SLCO3A1: variants seen among roughly 807,000 people sequenced by gnomAD.
The protein encoded by SLCO3A1 is PGE1 transporter.
SLCO3A1 carries 27 observed loss-of-function variants against 63.1 expected under a neutral mutation model. The ratio of observed to expected loss-of-function variants is 0.43; its 90% confidence interval spans 0.32 to 0.59. SLCO3A1 has a LOEUF of 0.59. SLCO3A1 is among the 20% of genes least tolerant of loss of function. The pLI, the probability that SLCO3A1 is intolerant of heterozygous loss-of-function variation, is 0.09. For synonymous variants in SLCO3A1, 473 were observed against 409.9 expected (o/e 1.15, Z -1.86); for missense variants, 773 against 945.8 (o/e 0.82, Z 2.40).
intron 2 of SLCO3A1, among the ~76,000 whole-genome samples, chr15:91,940,400 A>G (rs751488945): frequency 3.3e-5 from 5 of 152,222 alleles, no homozygotes; most frequent in Non-Finnish European, 7.3e-5. Context: ...GAGGGGATCC[A>G]GACTCAGGGA....
chr15:92,119,859 C>G (rs1000482481), intron 4 of SLCO3A1, among the ~76,000 whole-genome samples: 4 of 152,030 alleles, frequency 2.6e-5, no homozygotes, highest in Non-Finnish European at 5.9e-5. Context: ...CTGGTGGTCT[C>G]CAAGTGAGAG....
chr15:92,163,032 A>G lies in SLCO3A1; in HGVS notation c.2030A>G (p.Asn677Ser), dbSNP rs1438557454. 1 of 1,601,198 alleles carries G rather than the reference A, an allele frequency of 6.2e-7. No individual in the cohort carries two copies. The highest frequency in any genetic ancestry group is 2.2e-5 in the East Asian group (1 of 44,748). ...TTTGCCTCTACTCTGACCCTAGACA[A>G]CCTGGGGAGGGACCCTGTGCCCGCA... ...EFFASTLTLD[N>S]LGRDPVPANQ... Residue 677 changes from asparagine (N) to serine (S), a missense_variant, in exon 10 of 10, where the codon AAC (asparagine) becomes AGC (serine). By Grantham distance (46) the Asn-to-Ser change is conservative. Transcript: ENST00000318445.
chr15:92,066,830 T>C (rs1471377588), intron 2 of SLCO3A1, among the ~76,000 whole-genome samples: 2 of 152,190 alleles, frequency 1.3e-5, no homozygotes, highest in South Asian at 2.1e-4. Flanking sequence ...TGAGGACTTG[T>C]TGTGGCCGTG....
chr15:92,115,973 G>A (rs2047790591), intron 4 of SLCO3A1, among the ~76,000 whole-genome samples: 1 of 152,050 alleles, frequency 6.6e-6, no homozygotes, highest in Admixed American at 6.6e-5. Flanking sequence ...GGAGTGGCCT[G>A]CATGCTTAAT....
chr15:91,853,906 A>G lies in SLCO3A1; in HGVS notation c.-3A>G. 1.5e-6 allele frequency: 2 copies of G among 1,372,420 alleles called. No homozygotes were observed. Among genetic ancestry groups the G allele is most frequent in the Non-Finnish European group, 1.9e-6 (2 of 1,052,578 alleles). 85.0% of individuals were successfully genotyped at this position (1,372,420 alleles called of 1,614,324 possible). A position where few individuals can be genotyped will look rare whatever the true frequency, so the allele number is the denominator to read the frequency against. On this transcript the variant is annotated 5_prime_UTR_variant, in exon 1 of 10. Coordinates refer to ENST00000318445, the MANE Select transcript of SLCO3A1 (RefSeq NM_013272.4). Reference sequence around the variant, plus strand: ...CGGCGGCGGCGGCGGCGGCGGGGGAAGGATGCAGGGGAAGAAGCCGGGCGG... The same window carrying G: ...CGGCGGCGGCGGCGGCGGCGGGGGAGGGATGCAGGGGAAGAAGCCGGGCGG...
intron 8 of SLCO3A1, among the ~76,000 whole-genome samples, chr15:92,147,774 AG>A (rs1468251687): frequency 6.6e-6 from 1 of 152,210 alleles, no homozygotes; most frequent in Non-Finnish European, 1.5e-5. Flanking sequence ...TCCTGGGGAT[AG>A]GTGAAGTGCC....
chr15:91,905,513 T>C (rs1315079779), intron 1 of SLCO3A1, among the ~76,000 whole-genome samples: 3 of 151,588 alleles, frequency 2.0e-5, no homozygotes, highest in African/African-American at 7.3e-5. Flanking sequence ...GATTGCTGTG[T>C]TGTTATTTTT....
chr15:92,158,559 C>T (rs566321873), intron 9 of SLCO3A1, among the ~76,000 whole-genome samples: 1 of 152,336 alleles, frequency 6.6e-6, no homozygotes, highest in African/African-American at 2.4e-5. Flanking sequence ...CTTAGCATGA[C>T]AGTTGCCAGT....
chr15:92,006,915 C>A (rs112581352), intron 2 of SLCO3A1, among the ~76,000 whole-genome samples: 34 of 152,272 alleles, frequency 2.2e-4, no homozygotes, highest in African/African-American at 8.2e-4. Context: ...TTTTAGAGAA[C>A]CAGAGTCCTT....
intron 2 of SLCO3A1, among the ~76,000 whole-genome samples, chr15:92,069,193 G>T (rs980023708): frequency 1.4e-5 from 2 of 147,850 alleles, no homozygotes; most frequent in African/African-American, 5.0e-5. Flanking sequence ...GTGCTACCAG[G>T]ATCTAACAGG....
chr15:91,907,519 CT>C (rs762360188), intron 1 of SLCO3A1, among the ~76,000 whole-genome samples: 1 of 150,604 alleles, frequency 6.6e-6, no homozygotes, highest in Non-Finnish European at 1.5e-5. Context: ...GGAGGCCTTT[CT>C]TTTTTTTCTA....
chr15:92,059,802 A>G (rs1191302719), intron 2 of SLCO3A1, among the ~76,000 whole-genome samples: 2 of 152,252 alleles, frequency 1.3e-5, no homozygotes, highest in Non-Finnish European at 2.9e-5. Flanking sequence ...TGATAAGTGC[A>G]TATCACTGTA....
intron 2 of SLCO3A1, among the ~76,000 whole-genome samples, chr15:92,016,928 A>C (rs1186404326): frequency 6.6e-6 from 1 of 152,150 alleles, no homozygotes; most frequent in Non-Finnish European, 1.5e-5. Context: ...CACATTTGAA[A>C]ATTTTCTCTG....
At chr15:92,066,604 A>G (rs893465461) in intron 2 of SLCO3A1, among the ~76,000 whole-genome samples, 2 of 149,332 alleles carry the variant, frequency 1.3e-5, no homozygotes, top group Non-Finnish European at 3.0e-5. Context: ...GTGGATCTGG[A>G]CAGGTTGCTT....
intron 1 of SLCO3A1, among the ~76,000 whole-genome samples, chr15:91,904,715 T>C (rs1317644362): frequency 6.6e-6 from 1 of 152,202 alleles, no homozygotes; most frequent in Non-Finnish European, 1.5e-5. Context: ...AAATTGGACT[T>C]TGTTATTATT....
chr15:92,120,239 G>A (rs2047847406), intron 4 of SLCO3A1, among the ~76,000 whole-genome samples: 1 of 152,138 alleles, frequency 6.6e-6, no homozygotes, highest in Non-Finnish European at 1.5e-5. Flanking sequence ...TTTAGTAGAA[G>A]ATAGTAATTG....
chr15:92,063,534 C>T (rs1361869469), intron 2 of SLCO3A1, among the ~76,000 whole-genome samples: 1 of 152,162 alleles, frequency 6.6e-6, no homozygotes, highest in Non-Finnish European at 1.5e-5. Context: ...ACTCCACCTG[C>T]AGTTGGTTGC....
At chr15:92,094,439 A>G (rs2047513828) in intron 2 of SLCO3A1, among the ~76,000 whole-genome samples, 1 of 152,234 alleles carries the variant, frequency 6.6e-6, no homozygotes, top group African/African-American at 2.4e-5. Context: ...GATTATCCTC[A>G]CTTCACAAAA....
chr15:92,160,316 G>A (rs573301979), intron 9 of SLCO3A1, among the ~76,000 whole-genome samples: 2 of 151,998 alleles, frequency 1.3e-5, no homozygotes, highest in African/African-American at 2.4e-5. Context: ...CATAAATAAC[G>A]TGGTGTGTGG....
Sources: allele counts gnomAD v4.1 joint callset (sites outside exome capture counted in the v4.1 genomes callset), GRCh38; gene constraint gnomAD v4.1.1; transcripts MANE v1.5; gene names NCBI Gene and HGNC (gene_info 2026-07-23, HGNC 2026-07-21).